SYN3: variants seen among roughly 807,000 people sequenced by gnomAD.
The protein encoded by SYN3 is synapsin III, also known as synapsin-3.
Under a neutral mutation model 65.8 loss-of-function variants are expected in SYN3, and 35 were observed. The ratio of observed to expected loss-of-function variants is 0.53; its 90% CI spans 0.41 to 0.70. SYN3 has a LOEUF of 0.70. Among genes scored for constraint, SYN3 ranks in the 30% least tolerant of loss-of-function variants. SYN3 has a pLI of 0.00. For missense variants in SYN3, 680 were observed against 749.0 expected, an observed-to-expected ratio of 0.91 and a Z score of 1.08; for synonymous variants, 270 against 292.9, an observed-to-expected ratio of 0.92 and a Z score of 0.80.
At chr22:32,792,596 A>C (rs1381629542) in intron 6 of SYN3, among the ~76,000 whole-genome samples, 1 of 152,126 alleles carries the variant, frequency 6.6e-6, no homozygotes, top group African/African-American at 2.4e-5. Context: ...CATCTATCAA[A>C]ATTTTGAGTA....
intron 6 of SYN3, among the ~76,000 whole-genome samples, chr22:32,725,071 C>T (rs996257775): frequency 7.9e-5 from 12 of 152,156 alleles, no homozygotes; most frequent in South Asian, 2.1e-4. Flanking sequence ...GAGCCGAGAT[C>T]GCGCCATTGC....
chr22:33,023,059 A>G (rs1180340767), intron 1 of SYN3, among the ~76,000 whole-genome samples: 2 of 152,086 alleles, frequency 1.3e-5, no homozygotes, highest in East Asian at 3.9e-4. Flanking sequence ...TCATGTCAAA[A>G]ATCTAAGTGG....
intron 2 of SYN3, among the ~76,000 whole-genome samples, chr22:32,987,109 G>T (rs1183908916): frequency 6.6e-6 from 1 of 152,120 alleles, no homozygotes; most frequent in East Asian, 1.9e-4. Context: ...CGCAGCCAGG[G>T]CTTGGTGATG....
At position 33,030,552 on chromosome 22, in the gene SYN3, A is replaced by C. The variant is rs185029809; in HGVS notation, c.-162-23728T>G. 2.1e-3 allele frequency among the ~76,000 whole-genome samples: 317 copies of C among 152,102 alleles called. 2 individuals carry two copies. The highest frequency in any genetic ancestry group is 5.6e-3 in the Admixed American group (85 of 15,250). On this transcript the variant is annotated intron_variant, in intron 1 of 13. Coordinates refer to ENST00000358763, the MANE Select transcript of SYN3 (RefSeq NM_003490.4). Reference sequence around the variant, plus strand: ...CAAAGAGACCCACAGAGAAACGGAAAAAATATATAGAGACTGAGAGATAGA... The same window carrying C: ...CAAAGAGACCCACAGAGAAACGGAACAAATATATAGAGACTGAGAGATAGA...
intron 7 of SYN3, among the ~76,000 whole-genome samples, chr22:32,552,332 C>T (rs2058429106): frequency 6.6e-6 from 1 of 151,864 alleles, no homozygotes; most frequent in Non-Finnish European, 1.5e-5. Flanking sequence ...AAAAAGTATC[C>T]AGAGGTGTTT....
chr22:32,999,413 G>A (rs1198929120), intron 2 of SYN3, among the ~76,000 whole-genome samples: 2 of 152,184 alleles, frequency 1.3e-5, no homozygotes, highest in Non-Finnish European at 2.9e-5. Flanking sequence ...GGCCAGTCAC[G>A]GTGGCTCACG....
chr22:32,569,383 T>C (rs1469875852), intron 7 of SYN3, among the ~76,000 whole-genome samples: 1 of 144,004 alleles, frequency 6.9e-6, no homozygotes, highest in East Asian at 2.0e-4. Context: ...ATCTAAAATC[T>C]ATCTATCTCC....
chr22:32,587,443 C>A (rs1368215842), intron 7 of SYN3, among the ~76,000 whole-genome samples: 2 of 152,104 alleles, frequency 1.3e-5, no homozygotes, highest in African/African-American at 4.8e-5. Context: ...TCTCTGCTCA[C>A]TTTTGGCTGG....
At chr22:33,038,935 G>A (rs2053910985) in intron 1 of SYN3, among the ~76,000 whole-genome samples, 1 of 152,188 alleles carries the variant, frequency 6.6e-6, no homozygotes, top group Non-Finnish European at 1.5e-5. Flanking sequence ...CCAAGTCCCT[G>A]GCACTCTGTT....
At chr22:32,602,752 G>A (rs962032579) in intron 6 of SYN3, among the ~76,000 whole-genome samples, 2 of 152,124 alleles carry the variant, frequency 1.3e-5, no homozygotes, top group Non-Finnish European at 1.5e-5. Flanking sequence ...CAGCTACCGC[G>A]CCCAGCCAAT....
chr22:32,938,919 C>A (rs1289968612), intron 3 of SYN3, among the ~76,000 whole-genome samples: 1 of 92,914 alleles, frequency 1.1e-5, no homozygotes, highest in Non-Finnish European at 2.1e-5. Context: ...CAGGGCAAGG[C>A]TTTGTCTCAA....
chr22:32,808,851 G>T (rs923058342), intron 6 of SYN3, among the ~76,000 whole-genome samples: 1 of 152,152 alleles, frequency 6.6e-6, no homozygotes, highest in Non-Finnish European at 1.5e-5. Flanking sequence ...TCCCAGAGGG[G>T]ATCATTCCTG....
chr22:32,634,637 C>T (rs187737550), intron 6 of SYN3, among the ~76,000 whole-genome samples: 1 of 152,286 alleles, frequency 6.6e-6, no homozygotes, highest in African/African-American at 2.4e-5. Flanking sequence ...TTTTTGTTCA[C>T]GCTGTTCCCC....
At chr22:32,524,140 AG>A (rs1165235740) in intron 12 of SYN3, among the ~76,000 whole-genome samples, 1 of 152,280 alleles carries the variant, frequency 6.6e-6, no homozygotes, top group Non-Finnish European at 1.5e-5. Flanking sequence ...TGCAAGGTGA[AG>A]CTGCAAGTGC....
At chr22:32,590,822 T>C (rs1483896640) in intron 7 of SYN3, among the ~76,000 whole-genome samples, 1 of 152,246 alleles carries the variant, frequency 6.6e-6, no homozygotes, top group Non-Finnish European at 1.5e-5. Context: ...ATTAGAGCTT[T>C]TGGCAACCCA....
chr22:32,567,348 C>T lies in SYN3; in HGVS notation c.775-25635G>A, dbSNP rs713920. Among the ~76,000 whole-genome samples, 767 of 133,312 alleles carry T rather than the reference C, an allele frequency of 5.8e-3. 6 individuals carry two copies. The highest frequency in any genetic ancestry group is 0.01 in the Admixed American group (128 of 12,552). 87.5% of individuals were successfully genotyped at this position (133,312 alleles called of 152,430 possible). ...TCCCTCCCTCCCTCCCTCCCTCCCT[C>T]CCTCCCTTCTTTCCTTCCTTCCTTC... On this transcript the variant is annotated intron_variant, in intron 7 of 13. Coordinates refer to ENST00000358763, the MANE Select transcript of SYN3 (RefSeq NM_003490.4).
intron 6 of SYN3, chr22:32,858,201 G>T: frequency 6.2e-7 from 1 of 1,600,862 alleles, no homozygotes; most frequent in Non-Finnish European, 8.5e-7. Flanking sequence ...AGAAACATCA[G>T]CTCCCAATGC....
intron 4 of SYN3, among the ~76,000 whole-genome samples, chr22:32,902,439 A>G (rs1340680981): frequency 1.3e-5 from 2 of 152,192 alleles, no homozygotes; most frequent in Non-Finnish European, 2.9e-5. Flanking sequence ...AAGACTGGCC[A>G]ATACCTCCAA....
intron 3 of SYN3, among the ~76,000 whole-genome samples, chr22:32,946,472 C>T (rs1013844261): frequency 1.4e-5 from 2 of 145,058 alleles, no homozygotes; most frequent in African/African-American, 2.6e-5. Flanking sequence ...TGTTCTCACT[C>T]ATAGGTGGGA....
Sources: allele counts gnomAD v4.1 joint callset (sites outside exome capture counted in the v4.1 genomes callset), GRCh38; gene constraint gnomAD v4.1.1; transcripts MANE v1.5; gene names NCBI Gene and HGNC (gene_info 2026-07-23, HGNC 2026-07-21).